MEF2A: variants seen among roughly 807,000 people sequenced by gnomAD.
MEF2A encodes the protein myocyte-specific enhancer factor 2A.
Under a neutral mutation model 55.8 loss-of-function variants are expected in MEF2A, and 28 were observed. The observed-to-expected ratio is 0.50, with a 90% CI of 0.37 to 0.69. The LOEUF is 0.69. Among genes scored for constraint, MEF2A ranks in the 30% least tolerant of loss-of-function variants. The pLI is 0.00. For synonymous variants in MEF2A, 239 were observed against 227.1 expected (o/e 1.05, Z -0.47); for missense variants, 528 against 626.2 (o/e 0.84, Z 1.67).
chr15:99,683,103 C>T (rs1347125687), intron 7 of MEF2A, among the ~76,000 whole-genome samples: 1 of 152,184 alleles, frequency 6.6e-6, no homozygotes, highest in African/African-American at 2.4e-5. Context: ...ATGATCTCTA[C>T]TCGACAGGAT....
At chr15:99,680,946 G>A (rs1056838832) in intron 7 of MEF2A, among the ~76,000 whole-genome samples, 1 of 152,018 alleles carries the variant, frequency 6.6e-6, no homozygotes, top group Non-Finnish European at 1.5e-5. Flanking sequence ...TGGCAGCTTT[G>A]TACATATTGT....
In MEF2A at chr15:99,687,604, C is replaced by G. The variant is rs190851368; in HGVS notation, c.671-2637C>G. ...CATTTATCCATAATGCCTGCCTTCTCTTTTCTTCTGTTCTTCTCTCATTTC... is the reference window on the plus strand; with the variant it reads ...CATTTATCCATAATGCCTGCCTTCTGTTTTCTTCTGTTCTTCTCTCATTTC... On this transcript the variant is annotated intron_variant, in intron 7 of 11. Coordinates refer to ENST00000557942, the MANE Select transcript of MEF2A (RefSeq NM_001319206.4). 1.6e-3 allele frequency among the ~76,000 whole-genome samples: 243 copies of G among 152,326 alleles called. 2 individuals are homozygous for G. Among genetic ancestry groups the G allele is most frequent in the Non-Finnish European group, 2.5e-3 (172 of 68,020 alleles).
At chr15:99,600,243 C>G (rs1972531897) in intron 2 of MEF2A, among the ~76,000 whole-genome samples, 1 of 152,100 alleles carries the variant, frequency 6.6e-6, no homozygotes, top group Admixed American at 6.6e-5. Context: ...TTAGGGAATT[C>G]TCTATGCTGC....
intron 1 of MEF2A, among the ~76,000 whole-genome samples, chr15:99,597,154 C>T (rs1417900982): frequency 6.6e-6 from 1 of 152,074 alleles, no homozygotes. Context: ...CTCTGACTGC[C>T]GGTGAGCCGG....
intron 1 of MEF2A, among the ~76,000 whole-genome samples, chr15:99,581,688 GA>G (rs558275891): frequency 1.3e-5 from 2 of 152,060 alleles, no homozygotes; most frequent in South Asian, 4.2e-4. Flanking sequence ...ACATATATAA[GA>G]TATAGCTCTT....
intron 1 of MEF2A, among the ~76,000 whole-genome samples, chr15:99,592,523 A>G (rs1969663806): frequency 1.3e-5 from 2 of 152,148 alleles, no homozygotes; most frequent in Non-Finnish European, 2.9e-5. Flanking sequence ...AATAACTTAG[A>G]CTGGATAATT....
At chr15:99,688,613 C>G (rs1446109609) in intron 7 of MEF2A, among the ~76,000 whole-genome samples, 1 of 152,024 alleles carries the variant, frequency 6.6e-6, no homozygotes, top group Non-Finnish European at 1.5e-5. Flanking sequence ...AAAAATTAGC[C>G]GGGCGTGGTG....
In MEF2A at chr15:99,715,527, G is replaced by A. The variant is rs140716704; in HGVS notation, c.*2756G>A. 1.3e-5 allele frequency: 2 copies of A among 152,298 alleles called. No homozygotes were observed. Among genetic ancestry groups the A allele is most frequent in the Non-Finnish European group, 2.9e-5 (2 of 68,026 alleles). 9.4% of individuals were successfully genotyped at this position (152,298 alleles called of 1,614,324 possible). A position where few individuals can be genotyped will look rare whatever the true frequency, so the allele number is the denominator to read the frequency against. ...ACGTCCAGTGTGGCATGGAGCATAT[G>A]GACTTGACAGACATCTCTCACCCAG... is the stretch of plus-strand genomic sequence containing the variant. On this transcript the variant is annotated 3_prime_UTR_variant, in exon 12 of 12. Transcript: ENST00000557942.
intron 11 of MEF2A, among the ~76,000 whole-genome samples, chr15:99,711,446 A>C (rs1298250055): frequency 2.0e-5 from 3 of 152,210 alleles, no homozygotes; most frequent in Non-Finnish European, 4.4e-5. Flanking sequence ...ATGAGGCCAG[A>C]CATCCCTGAC....
intron 1 of MEF2A, among the ~76,000 whole-genome samples, chr15:99,574,036 G>A (rs1302321176): frequency 6.6e-6 from 1 of 152,016 alleles, no homozygotes; most frequent in Non-Finnish European, 1.5e-5. Flanking sequence ...CAGTTTTAGG[G>A]TTGACAGATT....
At chr15:99,641,616 G>A (rs1296057232) in intron 3 of MEF2A, among the ~76,000 whole-genome samples, 1 of 152,184 alleles carries the variant, frequency 6.6e-6, no homozygotes, top group South Asian at 2.1e-4. Context: ...CCAGCTACTC[G>A]GGAGGCTGAG....
Position 99,700,340 on chromosome 15 carries a change from C to T in MEF2A, c.859-3022C>T, listed in dbSNP as rs373256236. 1.9e-3 allele frequency among the ~76,000 whole-genome samples: 288 copies of T among 150,690 alleles called. 1 individual carries two copies. The highest frequency in any genetic ancestry group is 6.8e-3 in the African/African-American group (278 of 41,106). ...CAGCCTGGCCAACATGGCGAAACCC[C>T]GTCTCTACTAAAAATACAAAAATTA... On this transcript the variant is annotated intron_variant, in intron 8 of 11. Transcript: ENST00000557942.
chr15:99,607,572 C>T lies in MEF2A; in HGVS notation c.-143+9061C>T, dbSNP rs12324818. On this transcript the variant is annotated intron_variant, in intron 2 of 11. Coordinates refer to ENST00000557942, the MANE Select transcript of MEF2A (RefSeq NM_001319206.4). ...TTGTATGATTTAATTATTTGTAAAA[C>T]ATTTTTTCCCCCAGTAGTTATGACA... Among the ~76,000 whole-genome samples, 988 of 152,168 alleles carry T rather than the reference C, an allele frequency of 6.5e-3. 10 individuals carry two copies. Among genetic ancestry groups the T allele is most frequent in the African/African-American group, 0.023 (942 of 41,542 alleles).
chr15:99,637,280 C>T (rs952259767), intron 3 of MEF2A, among the ~76,000 whole-genome samples: 2 of 152,022 alleles, frequency 1.3e-5, no homozygotes, highest in South Asian at 4.1e-4. Flanking sequence ...GAATTGAAAT[C>T]TTTACAGTGT....
chr15:99,578,052 A>G (rs1964852244), intron 1 of MEF2A, among the ~76,000 whole-genome samples: 1 of 152,200 alleles, frequency 6.6e-6, no homozygotes, highest in Non-Finnish European at 1.5e-5. Flanking sequence ...AGTGTAGTTG[A>G]TAAATATTTT....
At chr15:99,570,452 C>T (rs1378457412) in intron 1 of MEF2A, among the ~76,000 whole-genome samples, 1 of 152,136 alleles carries the variant, frequency 6.6e-6, no homozygotes, top group Non-Finnish European at 1.5e-5. Flanking sequence ...TAAAAAAATT[C>T]TCACCATTAT....
At chr15:99,663,280 A>G (rs977981435) in intron 4 of MEF2A, among the ~76,000 whole-genome samples, 4 of 152,324 alleles carry the variant, frequency 2.6e-5, no homozygotes, top group Admixed American at 2.6e-4. Flanking sequence ...ATTTAGAAAG[A>G]TAATCCTGAT....
chr15:99,608,061 G>A (rs568360730), intron 2 of MEF2A, among the ~76,000 whole-genome samples: 1 of 152,190 alleles, frequency 6.6e-6, no homozygotes, highest in Admixed American at 6.5e-5. Flanking sequence ...TTATAGACTG[G>A]TCATCCAGAT....
intron 7 of MEF2A, among the ~76,000 whole-genome samples, chr15:99,676,797 C>T (rs1056299571): frequency 6.6e-6 from 1 of 152,022 alleles, no homozygotes; most frequent in Non-Finnish European, 1.5e-5. Context: ...GTCTCAATCT[C>T]CCGACCTGGT....
Sources: gnomAD v4.1 joint callset for allele counts (sites outside exome capture counted in the v4.1 genomes callset) on GRCh38, gnomAD v4.1.1 for gene constraint, MANE v1.5 for transcripts, NCBI Gene and HGNC (gene_info 2026-07-23, HGNC 2026-07-21) for gene names.